The following MYL3 variants were observed in gnomAD, a reference collection of about 807,000 sequenced individuals.
MYL3 encodes the protein CMLC1.
Under a neutral mutation model 21.3 loss-of-function variants are expected in MYL3, and 11 were observed. The observed-to-expected ratio is 0.52, with a 90% CI of 0.32 to 0.85. MYL3 has a LOEUF of 0.85. Ranked by LOEUF, MYL3 falls within the 40% of genes least tolerant of loss-of-function variation. MYL3 has a pLI of 0.03. For synonymous variants in MYL3, 88 were observed against 91.6 expected, an observed-to-expected ratio of 0.96 and a Z score of 0.22; for missense variants, 206 against 253.3, an observed-to-expected ratio of 0.81 and a Z score of 1.27.
At chr3:46,864,532 GC>G, upstream of MYL3, among the ~76,000 whole-genome samples, 1 of 152,120 alleles carries the variant, frequency 6.6e-6, no homozygotes, top group South Asian at 2.1e-4. This position sits in a 1 kb window ranked among gnomAD's most constrained non-coding sequence, Gnocchi z 4.7. Context: ...GAGTGCCCTC[GC>G]CCCCTCTGCC....
In MYL3 at chr3:46,861,351, C is replaced by G. The variant is rs571797274; in HGVS notation, c.130-364G>C. On this transcript the variant is annotated intron_variant, in intron 1 of 6. Transcript: ENST00000292327. This position sits in a 1 kb window ranked among gnomAD's most constrained non-coding sequence, Gnocchi z 4.2. The stretch of plus-strand genomic sequence containing the variant: ...CCTTAAGCCACAAGCCCCAGTCAGG[C>G]TGGCTTTGCTTGGGGCCTGGTGGGC... 1.3e-5 allele frequency among the ~76,000 whole-genome samples: 2 copies of G among 152,346 alleles called. No homozygotes were observed. Among genetic ancestry groups the G allele is most frequent in the South Asian group, 4.1e-4 (2 of 4,826 alleles).
Position 46,861,031 on chromosome 3 carries a change from G to C in MYL3, c.130-44C>G. 6.2e-7 allele frequency: 1 copy of C among 1,611,962 alleles called. No individual in the cohort carries two copies. The highest frequency in any genetic ancestry group is 8.5e-7 in the Non-Finnish European group (1 of 1,178,310). On this transcript the variant is annotated intron_variant, in intron 1 of 6. Coordinates refer to ENST00000292327, the MANE Select transcript of MYL3 (RefSeq NM_000258.3). The surrounding 1 kb of genome is among the most constrained non-coding windows in gnomAD (Gnocchi z 4.2). Reference sequence around the variant, plus strand: ...GACTCAGATGCCCGGCTTAAAAGGTGGGGCCACACCTCCTCCTGGGCACTC... The same window carrying C: ...GACTCAGATGCCCGGCTTAAAAGGTCGGGCCACACCTCCTCCTGGGCACTC...
At chr3:46,877,301 C>T (rs2030277407) in intron 1 of MYL3, among the ~76,000 whole-genome samples, 1 of 152,184 alleles carries the variant, frequency 6.6e-6, no homozygotes, top group South Asian at 2.1e-4. Flanking sequence ...GCAAGAACCA[C>T]CTCCAGCCCC....
At chr3:46,875,869 C>T (rs1022985361) in intron 1 of MYL3, among the ~76,000 whole-genome samples, 1 of 152,226 alleles carries the variant, frequency 6.6e-6, no homozygotes, top group African/African-American at 2.4e-5. Flanking sequence ...TCGGAGGGGG[C>T]CGGGCCCGAG....
At chr3:46,867,721 C>T (rs1187600244), upstream of MYL3, among the ~76,000 whole-genome samples, 2 of 152,242 alleles carry the variant, frequency 1.3e-5, no homozygotes, top group African/African-American at 4.8e-5. Flanking sequence ...CCACACTTCC[C>T]GGAGGAGTCG....
At position 46,879,091 on chromosome 3, in the gene MYL3, G is replaced by A. The variant is rs1575503792; in HGVS notation, c.-218+2983C>T. Among the ~76,000 whole-genome samples, 1 of 152,170 alleles carries A rather than the reference G, an allele frequency of 6.6e-6. No individual in the cohort carries two copies. Among genetic ancestry groups the A allele is most frequent in the Non-Finnish European group, 1.5e-5 (1 of 68,026 alleles). ...ATGGTAGCACTTTAACCAGAGGCCC[G>A]AGGGTGAGAGAGATGATCTGTGGCC... On this transcript the variant is annotated intron_variant, in intron 1 of 3. Transcript: ENST00000431168. The surrounding 1 kb of genome is among the most constrained non-coding windows in gnomAD (Gnocchi z 4.7).
chr3:46,865,561 A>T (rs943164160), upstream of MYL3, among the ~76,000 whole-genome samples: 8 of 152,196 alleles, frequency 5.3e-5, no homozygotes, highest in South Asian at 2.1e-4. The surrounding 1 kb of genome is among the most constrained non-coding windows in gnomAD (Gnocchi z 4.3). Context: ...AGAGCAGAGG[A>T]CATATACAGG....
In MYL3 at chr3:46,859,671, T is replaced by A; in HGVS notation, c.308-23A>T. Reference sequence around the variant, plus strand: ...GCTCTGCAGAGAAATGGTCCCAGGTTCCAGGGTCTAAGGCTGGGGTGGGCA... The same window carrying A: ...GCTCTGCAGAGAAATGGTCCCAGGTACCAGGGTCTAAGGCTGGGGTGGGCA... On this transcript the variant is annotated intron_variant, in intron 3 of 6. Coordinates refer to ENST00000292327, the MANE Select transcript of MYL3 (RefSeq NM_000258.3). The surrounding 1 kb of genome is among the most constrained non-coding windows in gnomAD (Gnocchi z 4.1). 8 of 1,614,084 alleles carry A rather than the reference T, an allele frequency of 5.0e-6. No homozygotes were observed. The highest frequency in any genetic ancestry group is 6.8e-6 in the Non-Finnish European group (8 of 1,179,948).
At chr3:46,878,908 C>A (rs1420718592) in intron 1 of MYL3, among the ~76,000 whole-genome samples, 1 of 152,176 alleles carries the variant, frequency 6.6e-6, no homozygotes, top group East Asian at 1.9e-4. Flanking sequence ...CTACTCCCCA[C>A]CCCCAGCCAG....
Position 46,859,554 on chromosome 3 carries a change from C to T in MYL3, c.402G>A (p.Val134=). Residue 134 remains valine, a synonymous_variant, in exon 4 of 7, where the codon GTG becomes GTA. Transcript: ENST00000292327. This position sits in a 1 kb window ranked among gnomAD's most constrained non-coding sequence, Gnocchi z 4.1. ...NKDTGTYEDF[V]EGLRVFDKEG... ...CCTTGTCGAAGACCCGCAGCCCCTC[C>T]ACGAAGTCCTCATAGGTGCCTGTGT... 1.2e-6 allele frequency: 2 copies of T among 1,614,232 alleles called. No individual in the cohort carries two copies. Among genetic ancestry groups the T allele is most frequent in the Non-Finnish European group, 1.7e-6 (2 of 1,180,040 alleles).
rs2030397020 is a variant in MYL3 at position 46,879,045 on chromosome 3, A to T, written c.-218+3029T>A. Among the ~76,000 whole-genome samples, 1 of 152,238 alleles carries T rather than the reference A, an allele frequency of 6.6e-6. No homozygotes were observed. Among genetic ancestry groups the T allele is most frequent in the African/African-American group, 2.4e-5 (1 of 41,472 alleles). ...CCAGGTGCTTGGGTGCTACCAGTTA[A>T]TGTGTGACACCCCCACCCTCATGGT... On this transcript the variant is annotated intron_variant, in intron 1 of 3. Coordinates refer to the MYL3 transcript ENST00000431168. This position sits in a 1 kb window ranked among gnomAD's most constrained non-coding sequence, Gnocchi z 4.7.
intron 1 of MYL3, among the ~76,000 whole-genome samples, chr3:46,862,808 C>T (rs1702006344): frequency 6.6e-6 from 1 of 152,156 alleles, no homozygotes; most frequent in African/African-American, 2.4e-5. Context: ...TGAACGAGAC[C>T]CAGCCTGGAC....
chr3:46,866,040 TC>T (rs969496216), upstream of MYL3, among the ~76,000 whole-genome samples: 2 of 133,806 alleles, frequency 1.5e-5, no homozygotes, highest in African/African-American at 2.8e-5. Flanking sequence ...GCCAGAGCCC[TC>T]CCAGGCACAC....
intron 1 of MYL3, among the ~76,000 whole-genome samples, chr3:46,875,179 G>A (rs192980044): frequency 8.5e-5 from 13 of 152,280 alleles, no homozygotes; most frequent in South Asian, 6.2e-4. Context: ...ACCACGGGAC[G>A]GTGCTCTAAC....
upstream of MYL3, among the ~76,000 whole-genome samples, chr3:46,867,540 G>A (rs1322829326): frequency 6.6e-6 from 1 of 152,272 alleles, no homozygotes; most frequent in African/African-American, 2.4e-5. Flanking sequence ...TGGGCAGAAG[G>A]AGGTAAGGGC....
chr3:46,860,730 GGCCCAGC>G lies in MYL3; in HGVS notation c.246_252del (p.Leu83ArgfsTer24). ...AGCACTTCTGCCTGTGTGGGGTTCTGGCCCAGCGCCCGCAGGACATCCCCACACTGCC... is the reference window on the plus strand; with the variant it reads ...AGCACTTCTGCCTGTGTGGGGTTCTGGCCCGCAGGACATCCCCACACTGCC... On this transcript the variant is annotated frameshift_variant, in exon 3 of 7. Coordinates refer to ENST00000292327, the MANE Select transcript of MYL3 (RefSeq NM_000258.3). LOFTEE classifies it high-confidence loss of function. The surrounding 1 kb of genome is among the most constrained non-coding windows in gnomAD (Gnocchi z 4.6). The G allele has an allele frequency of 4.3e-6, 7 of 1,614,120 alleles. No homozygotes were observed. Among genetic ancestry groups the G allele is most frequent in the Non-Finnish European group, 5.9e-6 (7 of 1,180,012 alleles).
chr3:46,873,989 G>A (rs756640534), intron 1 of MYL3, among the ~76,000 whole-genome samples: 11 of 152,168 alleles, frequency 7.2e-5, no homozygotes. Context: ...CTCCACACTG[G>A]CGACCCACCT....
rs1184810152 is a variant in MYL3, at chr3:46,858,385, T to G, written c.558A>C (p.Glu186Asp). ...QEDSNGCINY[E>D]AFVKHIMSS is the part of the protein sequence containing the mutation. ...GACCCCTGCCCCTGCTGAGCCCACC[T>G]TCATAGTTGATGCAGCCATTGGAGT... The change falls in exon 5 of 7, where the codon GAA becomes GAC. Residue 186 changes from glutamate (E) to aspartate (D), a missense_variant and splice_region_variant. Glu to Asp is a conservative substitution (Grantham distance 45). Coordinates refer to ENST00000292327, the MANE Select transcript of MYL3 (RefSeq NM_000258.3). 6.2e-7 allele frequency: 1 copy of G among 1,613,988 alleles called. No individual in the cohort carries two copies. Among genetic ancestry groups the G allele is most frequent in the Non-Finnish European group, 8.5e-7 (1 of 1,180,028 alleles).
rs570365937 is a variant in MYL3 at position 46,868,458 on chromosome 3, C to T, written c.-217-1858G>A. On this transcript the variant is annotated intron_variant, in intron 1 of 3. Transcript: ENST00000431168. ...GCTGACGGGGACCAGATGCTCCAAC[C>T]TTGTGGTTCTAGGGGTGGGGGTGGC... Among the ~76,000 whole-genome samples the T allele has an allele frequency of 5.3e-5, 8 of 152,346 alleles. 1 individual carries two copies. The East Asian group carries it at 9.6e-4, about 18-fold the overall frequency.
Sources: allele counts gnomAD v4.1 joint callset (sites outside exome capture counted in the v4.1 genomes callset), GRCh38; gene constraint gnomAD v4.1.1; non-coding constraint Gnocchi (gnomAD v3.1); transcripts MANE v1.5; gene names NCBI Gene and HGNC (gene_info 2026-07-23, HGNC 2026-07-21).